LRBA: variants seen among roughly 807,000 people sequenced by gnomAD.
LRBA encodes the protein LPS responsive beige-like anchor protein.
LRBA carries 176 observed loss-of-function variants against 330.0 expected under a neutral mutation model. That is an observed-to-expected ratio of 0.53 (90% CI 0.47 to 0.60). The LOEUF (loss-of-function observed/expected upper bound fraction) is 0.60, where lower values mean the gene tolerates loss of function less well. Ranked by LOEUF, LRBA falls within the 20% of genes least tolerant of loss-of-function variation. The probability of loss-of-function intolerance (pLI) is 0.00; values close to 1 mark genes in which losing one functional copy is unlikely to be tolerated. For missense variants in LRBA, 3,259 were observed against 3,444.8 expected, an observed-to-expected ratio of 0.95 and a Z score of 1.35; for synonymous variants, 1,230 against 1,193.0, an observed-to-expected ratio of 1.03 and a Z score of -0.64.
intron 47 of LRBA, among the ~76,000 whole-genome samples, chr4:150,382,030 T>C (rs573997989): frequency 6.6e-6 from 1 of 152,240 alleles, no homozygotes; most frequent in Non-Finnish European, 1.5e-5. Context: ...TCTTGAGTTG[T>C]AAGAGTCCCT....
intron 2 of LRBA, among the ~76,000 whole-genome samples, chr4:150,965,706 AT>A (rs1257657642): frequency 7.1e-3 from 1,012 of 141,674 alleles, no homozygotes; most frequent in Middle Eastern, 7.4e-3. Flanking sequence ...TGCCCGGCTA[AT>A]TTTTTTTTTT....
At chr4:150,526,870 A>G (rs1017536560) in intron 40 of LRBA, among the ~76,000 whole-genome samples, 2 of 152,152 alleles carry the variant, frequency 1.3e-5, no homozygotes, top group African/African-American at 4.8e-5. Flanking sequence ...CTATGTGTAA[A>G]AATCCTGATT....
At chr4:150,482,111 G>T (rs1052252656) in intron 42 of LRBA, among the ~76,000 whole-genome samples, 1 of 151,950 alleles carries the variant, frequency 6.6e-6, no homozygotes, top group African/African-American at 2.4e-5. Flanking sequence ...TCTAAACATA[G>T]AGGCTTATGT....
At chr4:150,516,466 T>C (rs1581555976) in intron 40 of LRBA, among the ~76,000 whole-genome samples, 2 of 151,860 alleles carry the variant, frequency 1.3e-5, no homozygotes, top group African/African-American at 2.4e-5. Context: ...CTTTGTAAAA[T>C]TGTAAAATTA....
At chr4:150,848,562 G>GAAAAAAAAAA (rs9331496) in intron 26 of LRBA, among the ~76,000 whole-genome samples, 12 of 120,028 alleles carry the variant, frequency 1.0e-4, no homozygotes, top group Non-Finnish European at 1.0e-4. Context: ...GGAGAAAAAA[G>GAAAAAAAAAA]AAAAAAAAAA....
Position 150,489,031 on chromosome 4 carries a change from T to TATATA in LRBA, c.6449-1198_6449-1197insTATAT, listed in dbSNP as rs1758272057. On this transcript the variant is annotated intron_variant, in intron 41 of 56. Coordinates refer to ENST00000651943, the MANE Select transcript of LRBA (RefSeq NM_001364905.1). Reference sequence around the variant, plus strand: ...ATAATATATTATATATAAGAATATATATTATATATAATATATTATATATAA... The same window carrying TATATA: ...ATAATATATTATATATAAGAATATATATATAATTATATATAATATATTATATATAA... Among the ~76,000 whole-genome samples, 3 of 112,456 alleles carry TATATA rather than the reference T, an allele frequency of 2.7e-5. No individual in the cohort carries two copies. In the South Asian group the frequency reaches 7.4e-4, roughly 28 times the overall value. The allele number at this position is 112,456 out of a possible 152,430, so 73.8% of individuals were successfully genotyped here.
At chr4:150,792,878 C>A (rs2126649206) in intron 34 of LRBA, among the ~76,000 whole-genome samples, 1 of 152,140 alleles carries the variant, frequency 6.6e-6, no homozygotes, top group South Asian at 2.1e-4. Flanking sequence ...GTCAGGAGTT[C>A]AAGACCAGCC....
intron 42 of LRBA, among the ~76,000 whole-genome samples, chr4:150,486,632 C>T (rs930826296): frequency 2.0e-5 from 3 of 151,580 alleles, no homozygotes; most frequent in African/African-American, 7.3e-5. Flanking sequence ...TTAATATATC[C>T]ATTACCTCAT....
intron 40 of LRBA, among the ~76,000 whole-genome samples, chr4:150,502,889 C>T (rs1760477441): frequency 6.6e-6 from 1 of 152,234 alleles, no homozygotes; most frequent in South Asian, 2.1e-4. Flanking sequence ...TAAAAAATGG[C>T]ACACAAGGAG....
At chr4:150,582,572 G>T (rs79265987) in intron 40 of LRBA, 4,072 of 162,504 alleles carry the variant, frequency 0.025, 168 homozygotes, top group African/African-American at 0.092. Context: ...TGAATGTTTC[G>T]CTTTTATTTT....
At chr4:150,812,939 C>G (rs761504999) in intron 31 of LRBA, among the ~76,000 whole-genome samples, 1 of 152,048 alleles carries the variant, frequency 6.6e-6, no homozygotes, top group Admixed American at 6.6e-5. Flanking sequence ...GGAAGGATCA[C>G]TTGAAGCCAG....
intron 38 of LRBA, among the ~76,000 whole-genome samples, chr4:150,591,668 C>T (rs188730330): frequency 1.2e-4 from 19 of 152,208 alleles, no homozygotes; most frequent in Middle Eastern, 6.8e-3. Context: ...GGGCCTCATG[C>T]GGCCTGAACT....
Position 150,933,650 on chromosome 4 carries a change from C to G in LRBA, c.217-4585G>C, listed in dbSNP as rs1449806533. Among the ~76,000 whole-genome samples the G allele has an allele frequency of 5.9e-5, 9 of 152,106 alleles. No individual in the cohort carries two copies. The East Asian group carries it at 1.3e-3, about 23-fold the overall frequency. On this transcript the variant is annotated intron_variant, in intron 2 of 56. Transcript: ENST00000651943. ...GGCAAAAAAAAGATTTTAGTACATACACTTTTGAACAATTTGAATTTTGTG... is the reference window on the plus strand; with the variant it reads ...GGCAAAAAAAAGATTTTAGTACATAGACTTTTGAACAATTTGAATTTTGTG...
At chr4:150,342,561 C>T (rs1483388963) in intron 48 of LRBA, among the ~76,000 whole-genome samples, 1 of 152,106 alleles carries the variant, frequency 6.6e-6, no homozygotes, top group African/African-American at 2.4e-5. Context: ...TTAAAAACAA[C>T]ATAAAAGTTT....
intron 20 of LRBA, among the ~76,000 whole-genome samples, chr4:150,868,813 C>T (rs749823159): frequency 1.3e-5 from 2 of 152,062 alleles, no homozygotes; most frequent in Non-Finnish European, 2.9e-5. Context: ...TGGCGTGTGC[C>T]TGTAATCCCA....
intron 26 of LRBA, among the ~76,000 whole-genome samples, chr4:150,846,390 T>G (rs1749847722): frequency 6.6e-6 from 1 of 151,642 alleles, no homozygotes; most frequent in South Asian, 2.1e-4. Flanking sequence ...ATTAGCCGGG[T>G]GTGGTGGGGC....
chr4:150,803,940 T>C (rs569245218), intron 33 of LRBA, among the ~76,000 whole-genome samples: 131 of 152,264 alleles, frequency 8.6e-4, no homozygotes, highest in Non-Finnish European at 1.7e-3. Context: ...TCTTGTTATC[T>C]GCTATAAAAT....
chr4:150,930,230 A>G (rs1395373176), intron 2 of LRBA, among the ~76,000 whole-genome samples: 1 of 151,922 alleles, frequency 6.6e-6, no homozygotes, highest in Non-Finnish European at 1.5e-5. Flanking sequence ...TAGGAGAATC[A>G]CTTGAACCTG....
At chr4:150,716,523 A>G (rs948845179) in intron 36 of LRBA, among the ~76,000 whole-genome samples, 1 of 152,246 alleles carries the variant, frequency 6.6e-6, no homozygotes, top group Non-Finnish European at 1.5e-5. Context: ...ACAGATGTTC[A>G]AGCTAAACAA....
Sources: gnomAD v4.1 joint callset for allele counts (sites outside exome capture counted in the v4.1 genomes callset) on GRCh38, gnomAD v4.1.1 for gene constraint, MANE v1.5 for transcripts, NCBI Gene and HGNC (gene_info 2026-07-23, HGNC 2026-07-21) for gene names.